Variants in NFAT5 observed in about 807,000 individuals in gnomAD.
NFAT5 encodes nuclear factor of activated T-cells 5.
A neutral mutation model predicts 166.5 loss-of-function variants in NFAT5; 31 were observed. That is an observed-to-expected ratio of 0.19 (90% confidence interval 0.14 to 0.25). NFAT5 has a LOEUF of 0.25. NFAT5 is among the 10% of genes least tolerant of loss of function. The pLI is 1.00. For missense variants in NFAT5, 1,449 were observed against 1,821.8 expected (o/e 0.80, Z 3.72); for synonymous variants, 612 against 639.7 (o/e 0.96, Z 0.65).
At chr16:69,586,723 CT>C (rs1258229101) in intron 2 of NFAT5, among the ~76,000 whole-genome samples, 1 of 152,024 alleles carries the variant, frequency 6.6e-6, no homozygotes, top group Non-Finnish European at 1.5e-5. Context: ...AATTTTTTGA[CT>C]TTTAATATGC....
At chr16:69,657,318 C>T (rs1161243085) in intron 6 of NFAT5, among the ~76,000 whole-genome samples, 4 of 151,316 alleles carry the variant, frequency 2.6e-5, no homozygotes, top group Non-Finnish European at 4.4e-5. Flanking sequence ...TTAGTAGAGA[C>T]GGGGTTTCAC....
intron 7 of NFAT5, among the ~76,000 whole-genome samples, chr16:69,661,072 C>T (rs149873945): frequency 0.018 from 2,571 of 145,666 alleles, 28 homozygotes; most frequent in Non-Finnish European, 0.025. Context: ...TCCCAGCACC[C>T]CCCACCACCC....
intron 7 of NFAT5, among the ~76,000 whole-genome samples, chr16:69,664,348 G>A (rs200307454): frequency 1.3e-5 from 2 of 151,986 alleles, no homozygotes; most frequent in Non-Finnish European, 2.9e-5. Flanking sequence ...GTGCAGTGGC[G>A]ATCCCGGCTC....
intron 2 of NFAT5, among the ~76,000 whole-genome samples, chr16:69,624,226 A>T (rs1463858032): frequency 4.6e-5 from 7 of 151,980 alleles, no homozygotes; most frequent in South Asian, 2.1e-4. Flanking sequence ...TGTTTTTGAG[A>T]TGGAGTTTCA....
intron 7 of NFAT5, among the ~76,000 whole-genome samples, chr16:69,661,192 C>A (rs534643863): frequency 6.7e-6 from 1 of 149,650 alleles, no homozygotes; most frequent in Admixed American, 6.7e-5. Context: ...GGTCTCTCTT[C>A]CTGTTTCCTT....
At chr16:69,687,966 G>A (rs1188810349) in intron 11 of NFAT5, among the ~76,000 whole-genome samples, 2 of 150,656 alleles carry the variant, frequency 1.3e-5, no homozygotes, top group African/African-American at 4.9e-5. Context: ...AGGCCGAGGC[G>A]GGTGGATCAT....
chr16:69,579,351 A>G (rs1328555832), intron 2 of NFAT5, among the ~76,000 whole-genome samples: 1 of 152,050 alleles, frequency 6.6e-6, no homozygotes, highest in Non-Finnish European at 1.5e-5. Context: ...TTCTTAGTGA[A>G]TTTTTGCCTA....
rs960878398 is a variant in NFAT5 at position 69,703,763 on chromosome 16, T to G, written c.*7412T>G. The G allele has an allele frequency of 6.6e-6, 1 of 152,588 alleles. No individual in the cohort carries two copies. Among genetic ancestry groups the G allele is most frequent in the South Asian group, 2.1e-4 (1 of 4,832 alleles). The allele number at this position is 152,588 out of a possible 1,614,324, so 9.5% of individuals were successfully genotyped here. The stretch of plus-strand genomic sequence containing the variant: ...CTCCCTTCTTATTCCCTTTTTCTCT[T>G]CCTCACTTTATTGCATAACATATTC... On this transcript the variant is annotated 3_prime_UTR_variant, in exon 15 of 15. Transcript: ENST00000349945.
chr16:69,692,993 C>G lies in NFAT5; in HGVS notation c.3168C>G (p.Thr1056=). 6.2e-7 allele frequency: 1 copy of G among 1,614,020 alleles called. No individual in the cohort carries two copies. Among genetic ancestry groups the G allele is most frequent in the Non-Finnish European group, 8.5e-7 (1 of 1,180,012 alleles). ...TGATGAGTGTTCAGAATAGTGGTAC[C>G]CAACAACAAGGTAATGGTTTATTCC... ...KSMMSVQNSG[T]QQQGNGLFQQ... The change falls in exon 13 of 15, where the codon ACC becomes ACG. Residue 1056 remains threonine (T), a synonymous_variant. Transcript: ENST00000349945.
rs2037937405 is a variant in NFAT5, at chr16:69,703,796, C to T, written c.*7445C>T. 6.6e-6 allele frequency: 1 copy of T among 152,514 alleles called. No homozygotes were observed. Among genetic ancestry groups the T allele is most frequent in the South Asian group, 2.1e-4 (1 of 4,816 alleles). The allele number at this position is 152,514 out of a possible 1,614,324, so 9.4% of individuals were successfully genotyped here. ...TTATTGCATAACATATTCCTGTACC[C>T]AAAGCATTCTACCACAGTTCTATTT... On this transcript the variant is annotated 3_prime_UTR_variant, in exon 15 of 15. Coordinates refer to ENST00000349945, the MANE Select transcript of NFAT5 (RefSeq NM_138713.4).
chr16:69,666,964 C>T, intron 7 of NFAT5, among the ~76,000 whole-genome samples: 1 of 150,662 alleles, frequency 6.6e-6, no homozygotes, highest in African/African-American at 2.4e-5. Context: ...AAATGTGGCA[C>T]ATATACACCA....
chr16:69,690,993 C>G lies in NFAT5; in HGVS notation c.1828C>G (p.Leu610Val), dbSNP rs1250514358. The G allele has an allele frequency of 6.2e-7, 1 of 1,608,590 alleles. No individual in the cohort carries two copies. The highest frequency in any genetic ancestry group is 1.7e-5 in the Admixed American group (1 of 59,424). ...TAAGGTAAATATTATCCCTAATGCC[C>G]TGATGACTCCACTCATACCAAGCAG... The part of the protein sequence containing the change: ...LDKVNIIPNA[L>V]MTPLIPSSMI... Residue 610 changes from leucine to valine, a missense_variant, in exon 12 of 15, where the codon CTG (leucine) becomes GTG (valine). Physicochemically the swap from Leu to Val is conservative, Grantham distance 32. This residue lies in a region of NFAT5 where 245 missense variants were observed against 366.6 expected (regional missense o/e 0.67). Coordinates refer to ENST00000349945, the MANE Select transcript of NFAT5 (RefSeq NM_138713.4).
At chr16:69,691,147 TC>T in intron 12 of NFAT5, 59 bp downstream of exon 12, 1 of 1,382,316 alleles carries the variant, frequency 7.2e-7, no homozygotes, top group East Asian at 2.5e-5. Context: ...CTTTTACTTT[TC>T]CTATTTTTTT....
chr16:69,636,779 C>T (rs1477003529), intron 3 of NFAT5, among the ~76,000 whole-genome samples: 8 of 152,162 alleles, frequency 5.3e-5, no homozygotes, highest in Non-Finnish European at 1.5e-5. Flanking sequence ...GCTTTTTCCT[C>T]CTGGGCCTCT....
chr16:69,568,368 GTGTGTGTGTATA>G (rs947355370), intron 1 of NFAT5, 115 bp from the exon 2 acceptor site: 3 of 389,242 alleles, frequency 7.7e-6, no homozygotes, highest in East Asian at 5.1e-5. Context: ...GTGTGTGTGT[GTGTGTGTGTATA>G]TATATATATA....
chr16:69,631,287 T>A (rs1381415558), intron 3 of NFAT5, among the ~76,000 whole-genome samples: 1 of 151,896 alleles, frequency 6.6e-6, no homozygotes, highest in Non-Finnish European at 1.5e-5. Context: ...AAAAATTAGC[T>A]GGGCATGGTG....
chr16:69,695,874 A>G (rs1014886690), intron 14 of NFAT5, among the ~76,000 whole-genome samples: 2 of 152,202 alleles, frequency 1.3e-5, no homozygotes, highest in Non-Finnish European at 2.9e-5. Context: ...TGGTGTCCCC[A>G]AGGGTAAAAA....
At chr16:69,584,155 GGTGGA>G (rs2031883932) in intron 2 of NFAT5, among the ~76,000 whole-genome samples, 2 of 152,138 alleles carry the variant, frequency 1.3e-5, no homozygotes, top group Non-Finnish European at 2.9e-5. Flanking sequence ...GAACCCTGGA[GGTGGA>G]AGTTGCAGGG....
At chr16:69,567,945 G>T (rs779311797) in intron 1 of NFAT5, among the ~76,000 whole-genome samples, 1 of 152,166 alleles carries the variant, frequency 6.6e-6, no homozygotes, top group Non-Finnish European at 1.5e-5. Context: ...GTTTAGCTTC[G>T]AGACCAATGT....
Sources: gnomAD v4.1 joint callset for allele counts (sites outside exome capture counted in the v4.1 genomes callset) on GRCh38, gnomAD v4.1.1 for gene constraint, gnomAD v4.1.1 regional missense constraint, MANE v1.5 for transcripts, NCBI Gene and HGNC (gene_info 2026-07-23, HGNC 2026-07-21) for gene names.